CNTNAP5: variants seen among roughly 807,000 people sequenced by gnomAD.
CNTNAP5 encodes contactin associated protein family member 5.
Under a neutral mutation model 150.2 loss-of-function variants are expected in CNTNAP5, and 72 were observed. That is an observed-to-expected ratio of 0.48 (90% confidence interval 0.40 to 0.58). The LOEUF is 0.58. CNTNAP5 is among the 20% of genes least tolerant of loss of function. CNTNAP5 has a pLI of 0.00. For missense variants in CNTNAP5, 1,636 were observed against 1,626.2 expected (o/e 1.01, Z -0.10); for synonymous variants, 672 against 619.8 (o/e 1.08, Z -1.25).
At chr2:124,137,538 T>A (rs937629156) in intron 1 of CNTNAP5, among the ~76,000 whole-genome samples, 1 of 152,158 alleles carries the variant, frequency 6.6e-6, no homozygotes, top group Admixed American at 6.5e-5. Flanking sequence ...TTTTAGAGAT[T>A]TTTTTTCAGT....
At chr2:124,126,091 C>CA (rs1320972927) in intron 1 of CNTNAP5, among the ~76,000 whole-genome samples, 2 of 151,974 alleles carry the variant, frequency 1.3e-5, no homozygotes, top group African/African-American at 4.8e-5. Flanking sequence ...GATAGAGACA[C>CA]AAAAAACCCT....
chr2:124,571,601 T>C (rs1166881225), intron 11 of CNTNAP5, among the ~76,000 whole-genome samples: 5 of 135,324 alleles, frequency 3.7e-5, no homozygotes, highest in African/African-American at 1.4e-4. Context: ...GGTGCGATCT[T>C]GGCTCACTGC....
At chr2:124,301,154 C>T (rs1268366219) in intron 3 of CNTNAP5, among the ~76,000 whole-genome samples, 1 of 152,218 alleles carries the variant, frequency 6.6e-6, no homozygotes, top group Non-Finnish European at 1.5e-5. Flanking sequence ...CTAGTACTGA[C>T]TCTTTTGCTT....
At position 124,683,858 on chromosome 2, in the gene CNTNAP5, A is replaced by C. The variant is rs567184783; in HGVS notation, c.2077+35900A>C. Among the ~76,000 whole-genome samples, 12 of 152,338 alleles carry C rather than the reference A, an allele frequency of 7.9e-5. No individual in the cohort carries two copies. The East Asian group carries it at 2.3e-3, about 29-fold the overall frequency. Reference sequence around the variant, plus strand: ...TTAGGCAACTAACGTTTATTGCCTGACTAATCATTTTACTTTATTGACTGA... The same window carrying C: ...TTAGGCAACTAACGTTTATTGCCTGCCTAATCATTTTACTTTATTGACTGA... On this transcript the variant is annotated intron_variant, in intron 13 of 23. Coordinates refer to ENST00000682447, the MANE Select transcript of CNTNAP5 (RefSeq NM_001367498.1).
At chr2:124,446,596 G>A (rs1447522025) in intron 5 of CNTNAP5, among the ~76,000 whole-genome samples, 157 bp from the exon 6 acceptor site, 2 of 152,176 alleles carry the variant, frequency 1.3e-5, no homozygotes, top group Admixed American at 1.3e-4. Flanking sequence ...GGCCAAGCCT[G>A]TTATTCCTTC....
intron 6 of CNTNAP5, among the ~76,000 whole-genome samples, chr2:124,466,884 T>C (rs1330377755): frequency 6.6e-6 from 1 of 152,142 alleles, no homozygotes; most frequent in East Asian, 1.9e-4. Context: ...AGAGTATGAA[T>C]AGAAAGGCAT....
At chr2:124,527,508 G>A in intron 10 of CNTNAP5, 52 bp downstream of exon 10, 1 of 1,433,714 alleles carries the variant, frequency 7.0e-7, no homozygotes, top group Non-Finnish European at 9.4e-7. Context: ...CATTCTTACT[G>A]TTCTAAATAT....
intron 10 of CNTNAP5, among the ~76,000 whole-genome samples, chr2:124,535,059 T>C (rs1358341658): frequency 6.6e-6 from 1 of 152,178 alleles, no homozygotes; most frequent in Admixed American, 6.5e-5. Flanking sequence ...TCTATGCATA[T>C]AGCAAAATTA....
At chr2:124,248,062 A>G (rs544456430) in intron 3 of CNTNAP5, among the ~76,000 whole-genome samples, 2 of 152,310 alleles carry the variant, frequency 1.3e-5, no homozygotes, top group South Asian at 4.1e-4. Flanking sequence ...TTTAATGGAG[A>G]CCACCAATGC....
chr2:124,633,906 G>A (rs1227254799), intron 12 of CNTNAP5, among the ~76,000 whole-genome samples: 3 of 152,052 alleles, frequency 2.0e-5, no homozygotes, highest in African/African-American at 7.2e-5. Context: ...GTCCCTTTAA[G>A]CCACACTGAA....
intron 2 of CNTNAP5, among the ~76,000 whole-genome samples, chr2:124,238,049 G>A (rs1347706500): frequency 1.3e-5 from 2 of 152,060 alleles, no homozygotes; most frequent in Non-Finnish European, 2.9e-5. Context: ...TTTAAAAAGG[G>A]CTACTGCTGA....
intron 2 of CNTNAP5, among the ~76,000 whole-genome samples, chr2:124,233,928 G>C (rs894994582): frequency 1.3e-5 from 2 of 151,818 alleles, no homozygotes; most frequent in African/African-American, 4.8e-5. Flanking sequence ...ATTCGACCAG[G>C]CACTGTCTTT....
At chr2:124,470,848 T>C (rs1693495226) in intron 6 of CNTNAP5, among the ~76,000 whole-genome samples, 1 of 152,150 alleles carries the variant, frequency 6.6e-6, no homozygotes, top group Non-Finnish European at 1.5e-5. Context: ...TGCTTATTTT[T>C]GTCAGTTTTG....
intron 1 of CNTNAP5, among the ~76,000 whole-genome samples, chr2:124,122,088 G>C (rs1310141679): frequency 2.0e-5 from 3 of 152,114 alleles, no homozygotes; most frequent in Non-Finnish European, 4.4e-5. Context: ...ATGGGATTAC[G>C]TGGTGGGCCA....
chr2:124,504,918 G>A lies in CNTNAP5; in HGVS notation c.1327+362G>A, dbSNP rs149539006. Among the ~76,000 whole-genome samples, 353 of 152,102 alleles carry A rather than the reference G, an allele frequency of 2.3e-3. 2 individuals are homozygous for A. The highest frequency in any genetic ancestry group is 8.0e-3 in the African/African-American group (334 of 41,502). ...AGATGGGGTTTCACCATGTTGGCCA[G>A]GATGGTCTGCATCTCTTGACCTTGT... On this transcript the variant is annotated intron_variant, in intron 8 of 23. Coordinates refer to ENST00000682447, the MANE Select transcript of CNTNAP5 (RefSeq NM_001367498.1).
chr2:124,829,264 G>A (rs902268121), intron 19 of CNTNAP5, among the ~76,000 whole-genome samples: 1 of 152,012 alleles, frequency 6.6e-6, no homozygotes. Context: ...TTGCCATTTT[G>A]TCTCACAAGA....
chr2:124,470,000 T>A (rs986318842), intron 6 of CNTNAP5, among the ~76,000 whole-genome samples: 4 of 152,170 alleles, frequency 2.6e-5, no homozygotes, highest in African/African-American at 9.7e-5. Context: ...GTAGATTCCA[T>A]GTGTTTGCTA....
rs28577274 is a variant in CNTNAP5, at chr2:124,623,692, C to G, written c.1876+13772C>G. ...GATCCTTCTCCTTATCTTCTTTTGC[C>G]TTTCCTTGGAAACACATCCACTGTC... is the stretch of plus-strand genomic sequence containing the variant. On this transcript the variant is annotated intron_variant, in intron 12 of 23. Coordinates refer to ENST00000682447, the MANE Select transcript of CNTNAP5 (RefSeq NM_001367498.1). Among the ~76,000 whole-genome samples the G allele has an allele frequency of 1.5e-3, 225 of 152,264 alleles. 1 individual carries two copies. The highest frequency in any genetic ancestry group is 5.3e-3 in the African/African-American group (221 of 41,568).
intron 8 of CNTNAP5, among the ~76,000 whole-genome samples, chr2:124,510,305 A>ATATATATCTATATATCTATATC (rs1694539944): frequency 1.0e-5 from 1 of 96,292 alleles, no homozygotes; most frequent in Non-Finnish European, 2.0e-5. Context: ...ATATATCTAT[A>ATATATATCTATATATCTATATC]TATATATCTA....
Sources: gnomAD v4.1 joint callset for allele counts (sites outside exome capture counted in the v4.1 genomes callset) on GRCh38, gnomAD v4.1.1 for gene constraint, MANE v1.5 for transcripts, NCBI Gene and HGNC (gene_info 2026-07-23, HGNC 2026-07-21) for gene names.